The following PGPEP1L variants were observed in gnomAD, a reference collection of about 807,000 sequenced individuals.
PGPEP1L encodes pyroglutamyl-peptidase 1-like protein.
A neutral mutation model predicts 6.0 loss-of-function variants in PGPEP1L; 7 were observed. The ratio of observed to expected loss-of-function variants is 1.17; its 90% confidence interval spans 0.66 to 2.19. The LOEUF (loss-of-function observed/expected upper bound fraction) is 2.19, where lower values mean the gene tolerates loss of function less well. PGPEP1L is among the 30% of genes most tolerant of loss of function. PGPEP1L has a pLI of 0.00. For missense variants in PGPEP1L, 209 were observed against 192.5 expected (o/e 1.09, Z -0.51); for synonymous variants, 103 against 83.9 (o/e 1.23, Z -1.24).
At chr15:98,987,828 C>T (rs1401210766) in intron 2 of PGPEP1L, among the ~76,000 whole-genome samples, 1 of 152,078 alleles carries the variant, frequency 6.6e-6, no homozygotes, top group Non-Finnish European at 1.5e-5. Flanking sequence ...GTGCAGCCCA[C>T]AGAGGGTGAG....
chr15:99,006,381 G>A (rs190477174), intron 1 of PGPEP1L, among the ~76,000 whole-genome samples: 5 of 152,202 alleles, frequency 3.3e-5, no homozygotes, highest in African/African-American at 9.7e-5. Flanking sequence ...CACTGACAGT[G>A]AGCCACAGCC....
intron 2 of PGPEP1L, among the ~76,000 whole-genome samples, chr15:99,002,979 A>G (rs551398150): frequency 6.6e-6 from 1 of 152,188 alleles, no homozygotes; most frequent in Admixed American, 6.5e-5. Context: ...AGAAACTTGA[A>G]TTATACCTTT....
In PGPEP1L at chr15:99,005,463, G is replaced by A. The variant is rs144148423; in HGVS notation, c.-176C>T. ...CCACGCAGCTGGGCTGGGAATCCAT[G>A]AAGACGAAGTGGGAGCTCGCGCTGC... On this transcript the variant is annotated 5_prime_UTR_variant, in exon 2 of 5. Coordinates refer to ENST00000535714, the MANE Select transcript of PGPEP1L (RefSeq NM_001167902.2). The A allele has an allele frequency of 0.012, 1,886 of 152,654 alleles. 21 individuals are homozygous for A. The highest frequency in any genetic ancestry group is 0.024 in the Middle Eastern group (7 of 294). The allele number at this position is 152,654 out of a possible 1,614,324, so 9.5% of individuals were successfully genotyped here. A position where few individuals can be genotyped will look rare whatever the true frequency, so the allele number is the denominator to read the frequency against.
chr15:98,970,159 C>G (rs1305233531), intron 3 of PGPEP1L, among the ~76,000 whole-genome samples: 1 of 152,158 alleles, frequency 6.6e-6, no homozygotes, highest in Admixed American at 6.6e-5. Context: ...AGTGATTATC[C>G]TGCCTCAGCC....
intron 2 of PGPEP1L, among the ~76,000 whole-genome samples, chr15:98,977,003 CAA>C (rs11385185): frequency 0.33 from 41,859 of 128,606 alleles, 6,246 homozygotes; most frequent in Non-Finnish European, 0.37. Flanking sequence ...AGTAAAATGG[CAA>C]AAAAAAAAAA....
At chr15:98,974,682 A>ATGTC in intron 2 of PGPEP1L, among the ~76,000 whole-genome samples, 4 of 152,312 alleles carry the variant, frequency 2.6e-5, no homozygotes, top group African/African-American at 7.2e-5. Context: ...GGATCACCTG[A>ATGTC]AGTTGAGAGT....
chr15:98,992,429 A>C lies in PGPEP1L; in HGVS notation c.-142+13000T>G, dbSNP rs369949059. ...ACCTCTTCAAGGAGAACGTCAAACC[A>C]CTGCTCAAGGAAATGAGAGGACACA... On this transcript the variant is annotated intron_variant, in intron 2 of 4. Transcript: ENST00000535714. Among the ~76,000 whole-genome samples, 28 of 152,326 alleles carry C rather than the reference A, an allele frequency of 1.8e-4. No homozygotes were observed. The South Asian group carries it at 2.5e-3, about 14-fold the overall frequency.
Position 98,971,089 on chromosome 15 carries a change from A to T in PGPEP1L, c.-72T>A. On this transcript the variant is annotated 5_prime_UTR_variant, in exon 3 of 5. Transcript: ENST00000535714. ...GTGACCCTCCGCTTAGCCTCCCTGT[A>T]ATCTACAGGCAGCTCCAGAGTCCGC... is the stretch of plus-strand genomic sequence containing the variant. 1 of 1,612,726 alleles carries T rather than the reference A, an allele frequency of 6.2e-7. No individual in the cohort carries two copies. Among genetic ancestry groups the T allele is most frequent in the Admixed American group, 1.7e-5 (1 of 59,932 alleles).
At chr15:98,985,077 T>C (rs1596519758) in intron 2 of PGPEP1L, among the ~76,000 whole-genome samples, 1 of 151,992 alleles carries the variant, frequency 6.6e-6, no homozygotes, top group Non-Finnish European at 1.5e-5. Flanking sequence ...TATAGTGCAG[T>C]CTATGTCTAA....
At chr15:98,971,880 C>T (rs2017502643) in intron 2 of PGPEP1L, among the ~76,000 whole-genome samples, 1 of 152,170 alleles carries the variant, frequency 6.6e-6, no homozygotes, top group South Asian at 2.1e-4. Context: ...AAAACTGAAA[C>T]ACTAAAAAGT....
At chr15:98,994,919 T>C (rs1331893047) in intron 2 of PGPEP1L, among the ~76,000 whole-genome samples, 2 of 152,236 alleles carry the variant, frequency 1.3e-5, no homozygotes, top group Admixed American at 1.3e-4. Flanking sequence ...CTTTGAGACA[T>C]TTACTCTAAT....
At chr15:98,977,724 T>A (rs933318330) in intron 2 of PGPEP1L, among the ~76,000 whole-genome samples, 3 of 152,216 alleles carry the variant, frequency 2.0e-5, no homozygotes, top group Non-Finnish European at 2.9e-5. Context: ...GTCTGCTGTA[T>A]CCTTTTTGGT....
At chr15:98,993,500 G>C (rs2017845535) in intron 2 of PGPEP1L, among the ~76,000 whole-genome samples, 1 of 152,156 alleles carries the variant, frequency 6.6e-6, no homozygotes, top group South Asian at 2.1e-4. Context: ...CTGTTGGTGG[G>C]AGTGTAAACT....
chr15:98,971,549 C>A (rs1398328481), intron 2 of PGPEP1L, among the ~76,000 whole-genome samples: 1 of 152,100 alleles, frequency 6.6e-6, no homozygotes, highest in African/African-American at 2.4e-5. Flanking sequence ...AACCCACCAA[C>A]AACAATACTG....
At chr15:98,973,743 A>C (rs2017529832) in intron 2 of PGPEP1L, among the ~76,000 whole-genome samples, 1 of 152,230 alleles carries the variant, frequency 6.6e-6, no homozygotes, top group Non-Finnish European at 1.5e-5. Flanking sequence ...AAATGCTTTC[A>C]TCAAAAAGAT....
At chr15:98,985,486 C>T (rs746988119) in intron 2 of PGPEP1L, among the ~76,000 whole-genome samples, 16 of 152,174 alleles carry the variant, frequency 1.1e-4, no homozygotes, top group Non-Finnish European at 1.9e-4. Flanking sequence ...TGCAGTGAGC[C>T]AAGATGGTGC....
chr15:98,968,512 T>C lies in PGPEP1L; in HGVS notation c.395A>G (p.Asn132Ser). The C allele has an allele frequency of 1.9e-6, 3 of 1,613,576 alleles. No individual in the cohort carries two copies. The highest frequency in any genetic ancestry group is 2.5e-6 in the Non-Finnish European group (3 of 1,179,808). ...KPKHRAQFEE[N>S]STMVLPAKGN is the part of the protein sequence containing the mutation. ...TTTGGCTGGAAGGACCATGGTTGAG[T>C]TTTCTTCGAACTGGGCTCTGTGCTT... Residue 132 changes from asparagine (N) to serine (S), a missense_variant, in exon 5 of 5, where the codon AAC (asparagine) becomes AGC (serine). By Grantham distance (46) the Asn-to-Ser change is conservative (BLOSUM62 1). Coordinates refer to ENST00000535714, the MANE Select transcript of PGPEP1L (RefSeq NM_001167902.2).
In PGPEP1L at chr15:98,968,650, C is replaced by G; in HGVS notation, c.257G>C (p.Gly86Ala). The G allele has an allele frequency of 5.0e-6, 8 of 1,593,260 alleles. No homozygotes were observed. Among genetic ancestry groups the G allele is most frequent in the Non-Finnish European group, 6.8e-6 (8 of 1,169,490 alleles). Residue 86 changes from glycine to alanine, a missense_variant, in exon 5 of 5, where the codon GGC becomes GCC. Coordinates refer to ENST00000535714, the MANE Select transcript of PGPEP1L (RefSeq NM_001167902.2). ...AGGGACATGGATGAGTGCCGCGCAG[C>G]CCTTTCCATGATGCAGAGACAGGTA... Reference protein sequence around the residue: ...TYYLSLHHGKGCAALIHVPPL... With the variant: ...TYYLSLHHGKACAALIHVPPL...
chr15:98,997,950 G>A (rs772240194), intron 2 of PGPEP1L, among the ~76,000 whole-genome samples: 5 of 152,090 alleles, frequency 3.3e-5, no homozygotes, highest in African/African-American at 4.8e-5. Context: ...CAACCCAAGT[G>A]CCAAAGACAA....
Sources: allele counts gnomAD v4.1 joint callset (sites outside exome capture counted in the v4.1 genomes callset), GRCh38; gene constraint gnomAD v4.1.1; transcripts MANE v1.5; gene names NCBI Gene and HGNC (gene_info 2026-07-23, HGNC 2026-07-21).